Variants in MAML2 observed in about 807,000 individuals in gnomAD.
MAML2 encodes the protein mastermind-like protein 2.
In MAML2, 22 loss-of-function variants were observed where a neutral mutation model predicts 96.1. That is an observed-to-expected ratio of 0.23 (90% CI 0.16 to 0.33). The LOEUF is 0.33. Ranked by LOEUF, MAML2 falls within the 10% of genes least tolerant of loss-of-function variation. The probability of loss-of-function intolerance (pLI) is 1.00; values close to 1 mark genes in which losing one functional copy is unlikely to be tolerated. For missense variants in MAML2, 1,367 were observed against 1,392.4 expected (o/e 0.98, Z 0.29); for synonymous variants, 561 against 521.3 (o/e 1.08, Z -1.04).
At chr11:96,154,930 T>C (rs1251214779) in intron 1 of MAML2, among the ~76,000 whole-genome samples, 7 of 152,186 alleles carry the variant, frequency 4.6e-5, no homozygotes, top group Non-Finnish European at 1.0e-4. Flanking sequence ...CCCCAGTAGC[T>C]GTAACACTCC....
At position 95,978,379 on chromosome 11, in the gene MAML2, T is replaced by C. The variant is rs1273311444; in HGVS notation, c.*569A>G. Reference sequence around the variant, plus strand: ...GAGTGAATATGGGGAAGAAATTCTGTAATCCACTGGATGTTTTCTAGGTTC... The same window carrying C: ...GAGTGAATATGGGGAAGAAATTCTGCAATCCACTGGATGTTTTCTAGGTTC... On this transcript the variant is annotated 3_prime_UTR_variant, in exon 5 of 5. Coordinates refer to ENST00000524717, the MANE Select transcript of MAML2 (RefSeq NM_032427.4). 1 of 196,972 alleles carries C rather than the reference T, an allele frequency of 5.1e-6. No homozygotes were observed. The highest frequency in any genetic ancestry group is 1.1e-5 in the Non-Finnish European group (1 of 95,074). 12.2% of individuals were successfully genotyped at this position (196,972 alleles called of 1,614,324 possible). A position where few individuals can be genotyped will look rare whatever the true frequency, so the allele number is the denominator to read the frequency against.
At chr11:96,153,499 G>T (rs1860960334) in intron 1 of MAML2, among the ~76,000 whole-genome samples, 1 of 152,058 alleles carries the variant, frequency 6.6e-6, no homozygotes, top group South Asian at 2.1e-4. Context: ...GTTTTTTAAA[G>T]GATTACATTA....
chr11:96,089,404 A>T (rs749487780), intron 2 of MAML2, among the ~76,000 whole-genome samples: 1 of 152,198 alleles, frequency 6.6e-6, no homozygotes, highest in East Asian at 1.9e-4. Flanking sequence ...CACACTTGCA[A>T]TGCAGCCTTG....
chr11:96,258,269 T>G (rs573811227), intron 1 of MAML2, among the ~76,000 whole-genome samples: 8 of 152,330 alleles, frequency 5.3e-5, no homozygotes, highest in African/African-American at 1.7e-4. Context: ...TTGTACCAAT[T>G]AATATATCTT....
At chr11:96,316,997 G>A (rs1336140991) in intron 1 of MAML2, among the ~76,000 whole-genome samples, 1 of 152,172 alleles carries the variant, frequency 6.6e-6, no homozygotes, top group East Asian at 1.9e-4. Context: ...CTTTATTTAA[G>A]AGTTAAGCAC....
At chr11:96,102,051 C>T (rs1022573737) in intron 1 of MAML2, among the ~76,000 whole-genome samples, 10 of 152,130 alleles carry the variant, frequency 6.6e-5, no homozygotes, top group Admixed American at 2.0e-4. Flanking sequence ...CTGAGGCAGA[C>T]GGATCACCAG....
intron 1 of MAML2, among the ~76,000 whole-genome samples, chr11:96,159,510 C>T (rs1861070359): frequency 6.7e-6 from 1 of 148,944 alleles, no homozygotes; most frequent in African/African-American, 2.5e-5. Context: ...CTGCGAGCTC[C>T]GGCCTCCCGG....
chr11:96,055,928 T>C (rs891799129), intron 2 of MAML2, among the ~76,000 whole-genome samples: 2 of 152,190 alleles, frequency 1.3e-5, no homozygotes, highest in Non-Finnish European at 2.9e-5. Context: ...AGGTAAAAAA[T>C]GGCTCATTTG....
In MAML2 at chr11:96,168,848, C is replaced by G. The variant is rs78201066; in HGVS notation, c.514-75331G>C. Among the ~76,000 whole-genome samples, 5 of 152,244 alleles carry G rather than the reference C, an allele frequency of 3.3e-5. No homozygotes were observed. The East Asian group carries it at 7.7e-4, about 24-fold the overall frequency. ...CACATGAGTCATAAAGTTGTGCTGG[C>G]TGGTGTGGGGATTTGAGAAACGTTT... is the stretch of plus-strand genomic sequence containing the variant. On this transcript the variant is annotated intron_variant, in intron 1 of 4. Coordinates refer to ENST00000524717, the MANE Select transcript of MAML2 (RefSeq NM_032427.4).
At chr11:96,164,037 T>G (rs71475380) in intron 1 of MAML2, among the ~76,000 whole-genome samples, 14,220 of 143,664 alleles carry the variant, frequency 0.099, 741 homozygotes, top group African/African-American at 0.12. Context: ...TTTTTTTTTG[T>G]TTTTTTTTGG....
intron 1 of MAML2, among the ~76,000 whole-genome samples, chr11:96,260,072 G>A (rs976227320): frequency 1.3e-5 from 2 of 151,738 alleles, no homozygotes; most frequent in African/African-American, 2.4e-5. Flanking sequence ...TATAATCCTC[G>A]GAACACCTGT....
chr11:96,049,705 C>T (rs1858960790), intron 2 of MAML2, among the ~76,000 whole-genome samples: 1 of 152,054 alleles, frequency 6.6e-6, no homozygotes, highest in South Asian at 2.1e-4. Context: ...TTGCACAGTC[C>T]CTGGTATACA....
In MAML2 at chr11:96,320,557, A is replaced by T. The variant is rs539809428; in HGVS notation, c.513+20826T>A. Among the ~76,000 whole-genome samples, 4 of 152,322 alleles carry T rather than the reference A, an allele frequency of 2.6e-5. No homozygotes were observed. In the East Asian group the frequency reaches 7.7e-4, roughly 29 times the overall value. ...TTCCCACTTGGGGGTTGATTGTATT[A>T]TATCTCCCCCTTACCCTACTCAACT... is the stretch of plus-strand genomic sequence containing the variant. On this transcript the variant is annotated intron_variant, in intron 1 of 4. Coordinates refer to ENST00000524717, the MANE Select transcript of MAML2 (RefSeq NM_032427.4).
intron 1 of MAML2, among the ~76,000 whole-genome samples, chr11:96,173,715 C>T (rs1861338787): frequency 6.6e-6 from 1 of 152,158 alleles, no homozygotes; most frequent in African/African-American, 2.4e-5. Context: ...GCCACAGGGG[C>T]GTCGAGAAGG....
At chr11:96,152,771 T>C (rs547496696) in intron 1 of MAML2, among the ~76,000 whole-genome samples, 8 of 152,304 alleles carry the variant, frequency 5.3e-5, no homozygotes, top group African/African-American at 1.9e-4. Flanking sequence ...GGAGAGGAGT[T>C]TTGCTGGGAG....
intron 2 of MAML2, among the ~76,000 whole-genome samples, chr11:96,058,924 A>G (rs1179220871): frequency 6.6e-6 from 1 of 152,174 alleles, no homozygotes; most frequent in Non-Finnish European, 1.5e-5. Context: ...TCTACTAAAA[A>G]TACAAAAATT....
rs141205618 is a variant in MAML2, at chr11:96,150,408, A to C, written c.514-56891T>G. ...CAGGGAGTGGGTTAGGGTGCCCGGG[A>C]AGACTTCTGGGAAGTAGTGACACTT... On this transcript the variant is annotated intron_variant, in intron 1 of 4. Transcript: ENST00000524717. Among the ~76,000 whole-genome samples, 269 of 152,300 alleles carry C rather than the reference A, an allele frequency of 1.8e-3. 1 individual carries two copies. Among genetic ancestry groups the C allele is most frequent in the Non-Finnish European group, 3.1e-3 (210 of 68,018 alleles).
intron 2 of MAML2, among the ~76,000 whole-genome samples, chr11:96,012,887 A>T (rs965194882): frequency 6.6e-6 from 1 of 152,220 alleles, no homozygotes; most frequent in East Asian, 1.9e-4. Flanking sequence ...AGGCAACAGA[A>T]TTATAAAGTC....
rs556819404 is a variant in MAML2 at position 96,173,538 on chromosome 11, CTG to C, written c.514-80023_514-80022del. The stretch of plus-strand genomic sequence containing the variant: ...ACGGGTAGGACACTAAGAGCTGAGA[CTG>C]AGCTTTATGGGTCATCCACCTCTAG... On this transcript the variant is annotated intron_variant, in intron 1 of 4. Transcript: ENST00000524717. Among the ~76,000 whole-genome samples, 492 of 152,294 alleles carry C rather than the reference CTG, an allele frequency of 3.2e-3. 1 individual carries two copies. The highest frequency in any genetic ancestry group is 0.011 in the African/African-American group (472 of 41,560).
Sources: allele counts gnomAD v4.1 joint callset (sites outside exome capture counted in the v4.1 genomes callset), GRCh38; gene constraint gnomAD v4.1.1; transcripts MANE v1.5; gene names NCBI Gene and HGNC (gene_info 2026-07-23, HGNC 2026-07-21).